SRP68: variants seen among roughly 807,000 people sequenced by gnomAD.
SRP68 encodes the protein signal recognition particle subunit SRP68.
SRP68 carries 15 observed loss-of-function variants against 82.2 expected under a neutral mutation model. That is an observed-to-expected ratio of 0.18 (90% CI 0.12 to 0.28). The LOEUF (loss-of-function observed/expected upper bound fraction) is 0.28. Among genes scored for constraint, SRP68 ranks in the 10% least tolerant of loss-of-function variants. The pLI is 1.00. For missense variants in SRP68, 595 were observed against 780.5 expected (o/e 0.76, Z 2.83); for synonymous variants, 261 against 292.6 (o/e 0.89, Z 1.10).
chr17:76,056,156 T>C (rs187585794), intron 8 of SRP68, among the ~76,000 whole-genome samples: 47 of 152,264 alleles, frequency 3.1e-4, no homozygotes, highest in African/African-American at 1.1e-3. Flanking sequence ...TTTCCTGTTC[T>C]TCATTTGGTA....
chr17:76,059,327 G>A (rs956586606), intron 7 of SRP68, among the ~76,000 whole-genome samples: 2 of 151,972 alleles, frequency 1.3e-5, no homozygotes, highest in Non-Finnish European at 1.5e-5. Context: ...GGTGGATCAC[G>A]AGGTTAGGAG....
chr17:76,051,014 C>A (rs1243043198), intron 8 of SRP68, among the ~76,000 whole-genome samples: 1 of 152,036 alleles, frequency 6.6e-6, no homozygotes, highest in African/African-American at 2.4e-5. Flanking sequence ...CAAATGTGAC[C>A]CAACTCAAAG....
intron 8 of SRP68, among the ~76,000 whole-genome samples, chr17:76,052,579 C>T (rs558283016): frequency 1.6e-4 from 25 of 151,852 alleles, no homozygotes; most frequent in African/African-American, 6.0e-4. Flanking sequence ...CTGAGGCGGG[C>T]GGATCACGAG....
At chr17:76,042,328 G>C (rs9890204) in intron 13 of SRP68, among the ~76,000 whole-genome samples, 4,542 of 152,096 alleles carry the variant, frequency 0.03, 121 homozygotes, top group Middle Eastern at 0.078. Context: ...AAAGCACCGG[G>C]AGTAGTGGCT....
intron 13 of SRP68, among the ~76,000 whole-genome samples, chr17:76,041,815 C>T (rs576089947): frequency 6.6e-6 from 1 of 152,230 alleles, no homozygotes; most frequent in South Asian, 2.1e-4. Flanking sequence ...TCTTCTCTAC[C>T]CCTCTGAGCT....
intron 10 of SRP68, 94 bp from the exon 11 acceptor site, chr17:76,046,288 A>T: frequency 1.8e-3 from 1,585 of 866,958 alleles, no homozygotes; most frequent in East Asian, 3.6e-3. Flanking sequence ...CAGAGGAAGC[A>T]GGGGGCGGGT....
intron 1 of SRP68, 73 bp from the exon 2 acceptor site, chr17:76,070,517 T>C: frequency 7.8e-7 from 1 of 1,286,940 alleles, no homozygotes; most frequent in South Asian, 1.2e-5. Context: ...CATCAGTCTA[T>C]ATCTGTGTCA....
intron 4 of SRP68, among the ~76,000 whole-genome samples, chr17:76,062,603 ATATAT>A (rs1179370094): frequency 1.1e-5 from 1 of 93,162 alleles, no homozygotes; most frequent in Non-Finnish European, 1.9e-5. Flanking sequence ...AATATACATT[ATATAT>A]TATATAATAT....
intron 3 of SRP68, among the ~76,000 whole-genome samples, chr17:76,066,366 C>G (rs985845515): frequency 1.3e-5 from 2 of 151,112 alleles, no homozygotes; most frequent in Non-Finnish European, 2.9e-5. Context: ...GCAGGAGAAG[C>G]TTGAACCCGG....
In SRP68 at chr17:76,039,731, T is replaced by C. The variant is rs2066574742; in HGVS notation, c.1859A>G (p.Lys620Arg). Residue 620 changes from lysine (K) to arginine (R), a missense_variant, in exon 16 of 16, where the codon AAG becomes AGG. Around this residue, in one of 2 missense-constraint regions of SRP68, gnomAD observed 495 missense variants for 688.6 expected, o/e 0.72. Coordinates refer to ENST00000307877, the MANE Select transcript of SRP68 (RefSeq NM_014230.4). ...KTKSGLTGYI[K>R]GIFGFRS ...TTAGCTCCTGAATCCAAAGATGCCC[T>C]TGATGTATCCAGTGAGGCCACTCTT... The C allele has an allele frequency of 6.2e-7, 1 of 1,614,016 alleles. No individual in the cohort carries two copies. Among genetic ancestry groups the C allele is most frequent in the Admixed American group, 1.7e-5 (1 of 60,014 alleles).
intron 10 of SRP68, 66 bp from the exon 11 acceptor site, chr17:76,046,260 T>G: frequency 6.4e-7 from 1 of 1,570,272 alleles, no homozygotes. Context: ...AGGACTGGAC[T>G]ACAAGTTGGG....
chr17:76,055,714 G>A (rs931686378), intron 8 of SRP68, among the ~76,000 whole-genome samples: 2 of 149,680 alleles, frequency 1.3e-5, no homozygotes, highest in Admixed American at 6.7e-5. Context: ...AGATTGCACC[G>A]CTGCACTCCA....
chr17:76,053,376 C>A, intron 8 of SRP68: 5 of 753,268 alleles, frequency 6.6e-6, no homozygotes, highest in Non-Finnish European at 8.1e-6. Flanking sequence ...AACATGCCAA[C>A]ACCCTTCTCA....
chr17:76,051,491 C>T (rs763595578), intron 8 of SRP68, among the ~76,000 whole-genome samples: 2 of 152,146 alleles, frequency 1.3e-5, no homozygotes, highest in Non-Finnish European at 2.9e-5. Context: ...AAAGCTCAAA[C>T]GAAAACCCAG....
chr17:76,046,358 A>G (rs2066630731), intron 10 of SRP68, among the ~76,000 whole-genome samples, 164 bp from the exon 11 acceptor site: 2 of 151,974 alleles, frequency 1.3e-5, no homozygotes, highest in African/African-American at 4.8e-5. Flanking sequence ...CCATTTGGCT[A>G]CTATCCAGTG....
intron 3 of SRP68, among the ~76,000 whole-genome samples, chr17:76,066,433 G>C (rs2066806881): frequency 7.2e-6 from 1 of 139,824 alleles, no homozygotes; most frequent in African/African-American, 2.9e-5. Context: ...CTGGGCAACA[G>C]AGTGAGACTC....
intron 7 of SRP68, among the ~76,000 whole-genome samples, chr17:76,059,347 A>G (rs2066734237): frequency 1.3e-5 from 2 of 152,054 alleles, no homozygotes; most frequent in African/African-American, 4.8e-5. Context: ...GATTGAGACT[A>G]TCCTGGCCAA....
chr17:76,051,320 G>A (rs1232327998), intron 8 of SRP68, among the ~76,000 whole-genome samples: 1 of 152,190 alleles, frequency 6.6e-6, no homozygotes, highest in Non-Finnish European at 1.5e-5. Flanking sequence ...GAATCTGACC[G>A]AGCAGATAGA....
chr17:76,057,967 G>A (rs759661525), intron 7 of SRP68, among the ~76,000 whole-genome samples: 9 of 149,874 alleles, frequency 6.0e-5, no homozygotes, highest in Non-Finnish European at 7.4e-5. Flanking sequence ...GAGCCACTGT[G>A]CCAGGCCTCT....
Sources: gnomAD v4.1 joint callset for allele counts (sites outside exome capture counted in the v4.1 genomes callset) on GRCh38, gnomAD v4.1.1 for gene constraint, gnomAD v4.1.1 regional missense constraint, MANE v1.5 for transcripts, NCBI Gene and HGNC (gene_info 2026-07-23, HGNC 2026-07-21) for gene names.